ZMYM2: variants seen among roughly 807,000 people sequenced by gnomAD.
ZMYM2 encodes the protein zinc finger MYM-type containing 2.
ZMYM2 carries 56 observed loss-of-function variants against 162.8 expected under a neutral mutation model. That is an observed-to-expected ratio of 0.34 (90% CI 0.28 to 0.43). ZMYM2 has a LOEUF of 0.43. Ranked by LOEUF, ZMYM2 falls within the 20% of genes least tolerant of loss-of-function variation. The pLI is 1.00. For synonymous variants in ZMYM2, 510 were observed against 541.6 expected, an observed-to-expected ratio of 0.94 and a Z score of 0.81; for missense variants, 1,275 against 1,621.8, an observed-to-expected ratio of 0.79 and a Z score of 3.67.
chr13:19,995,845 G>A (rs1409229446), intron 3 of ZMYM2, among the ~76,000 whole-genome samples: 6 of 152,196 alleles, frequency 3.9e-5, no homozygotes, highest in African/African-American at 1.2e-4. Context: ...TGAAAAGTTA[G>A]CTAGGCATAG....
chr13:19,927,462 A>G, the ZMYM2 span, among the ~76,000 whole-genome samples: 1 of 152,148 alleles, frequency 6.6e-6, no homozygotes, highest in East Asian at 1.9e-4. Flanking sequence ...TCCTATTTTC[A>G]CTAAATATAA....
At chr13:19,891,057 T>C in the ZMYM2 span, among the ~76,000 whole-genome samples, 11 of 151,546 alleles carry the variant, frequency 7.3e-5, no homozygotes, top group African/African-American at 2.7e-4. Flanking sequence ...ATGGATTGTA[T>C]CTCCCCCAAA....
At chr13:19,913,130 T>C in the ZMYM2 span, among the ~76,000 whole-genome samples, 1 of 152,170 alleles carries the variant, frequency 6.6e-6, no homozygotes, top group East Asian at 1.9e-4. Context: ...AGGGATGTTA[T>C]CTGGAGCCTT....
At chr13:20,051,255 A>C (rs373278010) in intron 12 of ZMYM2, among the ~76,000 whole-genome samples, 178 bp from the exon 13 acceptor site, 14,413 of 133,742 alleles carry the variant, frequency 0.11, 2,086 homozygotes, top group African/African-American at 0.31. Flanking sequence ...GTGAAATTGT[A>C]TTTTTTTTTT....
rs367792422 is a variant in ZMYM2, at chr13:20,085,912, T to C, written c.4032T>C (p.Thr1344=). ...ATAGCCCTGTCTGGTATACGTCTAC[T>C]TCACTGGACCGAAACACCTTGGAAA... ...STDSPVWYTS[T]SLDRNTLENM... The change falls in exon 25 of 25, where the codon ACT becomes ACC. Residue 1344 remains threonine (T), a synonymous_variant. Coordinates refer to ENST00000610343, the MANE Select transcript of ZMYM2 (RefSeq NM_197968.4). 6 of 1,613,886 alleles carry C rather than the reference T, an allele frequency of 3.7e-6. No individual in the cohort carries two copies. Among genetic ancestry groups the C allele is most frequent in the Non-Finnish European group, 5.1e-6 (6 of 1,179,796 alleles).
the ZMYM2 span, among the ~76,000 whole-genome samples, chr13:19,892,484 A>G: frequency 1.3e-5 from 2 of 150,650 alleles, no homozygotes; most frequent in East Asian, 3.9e-4. Context: ...ACCATGTTAG[A>G]TAGGATGGTC....
At chr13:20,068,044 A>G (rs1173900367) in intron 21 of ZMYM2, 1 of 172,762 alleles carries the variant, frequency 5.8e-6, no homozygotes, top group Non-Finnish European at 1.3e-5. Flanking sequence ...GAAGAAAACT[A>G]GAATTGTCTT....
chr13:19,947,022 ATTTTAT>A, the ZMYM2 span, among the ~76,000 whole-genome samples: 1 of 151,134 alleles, frequency 6.6e-6, no homozygotes, highest in Non-Finnish European at 1.5e-5. Context: ...TCAATTTTTT[ATTTTAT>A]TTTTATTTTT....
At chr13:19,868,267 A>C in the ZMYM2 span, among the ~76,000 whole-genome samples, 1 of 152,216 alleles carries the variant, frequency 6.6e-6, no homozygotes, top group African/African-American at 2.4e-5. Context: ...TTATTTTACT[A>C]TGATGAGCAC....
At chr13:20,069,097 A>G (rs1358395659) in intron 21 of ZMYM2, among the ~76,000 whole-genome samples, 3 of 152,186 alleles carry the variant, frequency 2.0e-5, no homozygotes, top group African/African-American at 7.2e-5. Context: ...TACTTGCAAA[A>G]TATAACTGAT....
the ZMYM2 span, among the ~76,000 whole-genome samples, chr13:19,879,280 T>C: frequency 6.6e-6 from 1 of 152,172 alleles, no homozygotes; most frequent in Non-Finnish European, 1.5e-5. Context: ...GTACTCTTGT[T>C]GAAAATCATT....
At chr13:19,924,285 C>G in the ZMYM2 span, among the ~76,000 whole-genome samples, 1 of 152,124 alleles carries the variant, frequency 6.6e-6, no homozygotes, top group South Asian at 2.1e-4. Flanking sequence ...TCTTTTCCGG[C>G]CAGGCACGGT....
chr13:19,969,314 C>G (rs1474688663), intron 2 of ZMYM2, among the ~76,000 whole-genome samples: 5 of 152,150 alleles, frequency 3.3e-5, no homozygotes, highest in Admixed American at 1.3e-4. Flanking sequence ...AGTCTTAGTT[C>G]TAGCTGATGG....
chr13:19,992,478 T>C (rs756230821), intron 2 of ZMYM2, among the ~76,000 whole-genome samples: 1 of 152,070 alleles, frequency 6.6e-6, no homozygotes, highest in Non-Finnish European at 1.5e-5. Flanking sequence ...GAGGATCGCC[T>C]TAACCTGGGA....
intron 11 of ZMYM2, among the ~76,000 whole-genome samples, chr13:20,036,438 A>G (rs1594501237): frequency 1.3e-5 from 2 of 152,250 alleles, no homozygotes; most frequent in South Asian, 2.1e-4. Flanking sequence ...TTAAGATTCT[A>G]TCTGTCTATT....
intron 12 of ZMYM2, among the ~76,000 whole-genome samples, chr13:20,045,355 A>G (rs2140475435): frequency 6.6e-6 from 1 of 152,332 alleles, no homozygotes; most frequent in African/African-American, 2.4e-5. Flanking sequence ...AATTGAGACT[A>G]AGAGGTTTGA....
chr13:20,036,989 A>G, intron 12 of ZMYM2, 80 bp downstream of exon 12: 1 of 1,343,714 alleles, frequency 7.4e-7, no homozygotes, highest in South Asian at 1.8e-5. Context: ...AAATCTGGCA[A>G]CTCATTTATT....
At chr13:19,882,620 G>A in the ZMYM2 span, among the ~76,000 whole-genome samples, 2 of 151,962 alleles carry the variant, frequency 1.3e-5, no homozygotes, top group Non-Finnish European at 2.9e-5. Context: ...GGTGTCATGC[G>A]CCTGTCATCC....
At chr13:19,969,589 A>G (rs1445227812) in intron 2 of ZMYM2, among the ~76,000 whole-genome samples, 1 of 152,182 alleles carries the variant, frequency 6.6e-6, no homozygotes, top group Non-Finnish European at 1.5e-5. Flanking sequence ...GATATGAAGG[A>G]AGGGATTGAA....
Sources: gnomAD v4.1 joint callset for allele counts (sites outside exome capture counted in the v4.1 genomes callset) on GRCh38, gnomAD v4.1.1 for gene constraint, MANE v1.5 for transcripts, NCBI Gene and HGNC (gene_info 2026-07-23, HGNC 2026-07-21) for gene names.